Variants in LILRB4 observed in about 807,000 individuals in gnomAD.
The protein encoded by LILRB4 is leukocyte immunoglobulin-like receptor subfamily B member 4.
Under a neutral mutation model 55.2 loss-of-function variants are expected in LILRB4, and 49 were observed. That is an observed-to-expected ratio of 0.89 (90% CI 0.71 to 1.13). LILRB4 has a LOEUF of 1.13. Among genes scored for constraint, LILRB4 ranks in the 50% most tolerant of loss-of-function variants. The pLI is 0.00. For missense variants in LILRB4, 590 were observed against 555.2 expected (o/e 1.06, Z -0.63); for synonymous variants, 229 against 213.8 (o/e 1.07, Z -0.62).
Position 54,664,499 on chromosome 19 carries a change from CCCTGT to C in LILRB4, c.655+18_655+22del. 6.3e-7 allele frequency: 1 copy of C among 1,584,518 alleles called. No homozygotes were observed. The highest frequency in any genetic ancestry group is 8.6e-7 in the Non-Finnish European group (1 of 1,164,848). ...TCATAGTCTCAGGTGAGGCTCCTGA[CCCTGT>C]CCTCTCTGAGCTCAGTGGCTCCGTT... On this transcript the variant is annotated intron_variant, in intron 4 of 11. Coordinates refer to ENST00000430952, the Ensembl canonical transcript of LILRB4.
rs144995091 is a variant in LILRB4 at position 54,665,052 on chromosome 19, A to G, written c.707-78A>G. ...TGAGGGGTGAGGGGGTCAAGGCTGAAGGAGATGTTGCGGGGAGAAGCCGAG... is the reference window on the plus strand; with the variant it reads ...TGAGGGGTGAGGGGGTCAAGGCTGAGGGAGATGTTGCGGGGAGAAGCCGAG... On this transcript the variant is annotated intron_variant, in intron 5 of 11. Transcript: ENST00000430952. The surrounding 1 kb of genome is among the most constrained non-coding windows in gnomAD (Gnocchi z 5.5). 304 of 1,559,102 alleles carry G rather than the reference A, an allele frequency of 1.9e-4. 1 individual carries two copies. The African/African-American group carries it at 3.9e-3, about 20-fold the overall frequency.
chr19:54,663,739 C>A lies in LILRB4; in HGVS notation c.71-15C>A. ...TGAGGAAGGTCTTGGGATCCAGCCT[C>A]TGATTTTCTTCCAGGGCCCCTCCCC... On this transcript the variant is annotated splice_polypyrimidine_tract_variant and intron_variant, in intron 2 of 11. Coordinates refer to ENST00000430952, the Ensembl canonical transcript of LILRB4. 6.2e-7 allele frequency: 1 copy of A among 1,613,628 alleles called. No individual in the cohort carries two copies.
rs1631746 is a variant in LILRB4, at chr19:54,665,251, A to G, written c.757+71A>G. On this transcript the variant is annotated intron_variant, in intron 6 of 11. Coordinates refer to ENST00000430952, the Ensembl canonical transcript of LILRB4. The surrounding 1 kb of genome is among the most constrained non-coding windows in gnomAD (Gnocchi z 5.5). Reference sequence around the variant, plus strand: ...CCAAGGGTGGGTTCTGTCCTAGGTTAAGGCTCCTCTGGAGGTGGTGATGTG... The same window carrying G: ...CCAAGGGTGGGTTCTGTCCTAGGTTGAGGCTCCTCTGGAGGTGGTGATGTG... 8.1e-6 allele frequency: 12 copies of G among 1,489,956 alleles called. No homozygotes were observed. Among genetic ancestry groups the G allele is most frequent in the Non-Finnish European group, 1.1e-5 (12 of 1,101,060 alleles). 92.3% of individuals were successfully genotyped at this position (1,489,956 alleles called of 1,614,324 possible).
exon 12 of LILRB4, chr19:54,668,147 C>T (rs563547278): frequency 2.1e-4 from 235 of 1,098,100 alleles, no homozygotes; most frequent in African/African-American, 1.7e-3. Context: ...TAGAAGATTC[C>T]GGGAACGTTG....
Position 54,665,951 on chromosome 19 carries a change from A to G in LILRB4, c.874+20A>G, listed in dbSNP as rs1261596108. 1.2e-6 allele frequency: 2 copies of G among 1,613,338 alleles called. No homozygotes were observed. The highest frequency in any genetic ancestry group is 1.7e-6 in the Non-Finnish European group (2 of 1,179,782). ...CATTGGGTAAGTAGGAAATTGGGGG[A>G]CCCGTGGGCTGATGGAGGGTGGGCT... is the stretch of plus-strand genomic sequence containing the variant. On this transcript the variant is annotated intron_variant, in intron 7 of 11. Transcript: ENST00000430952. This position sits in a 1 kb window ranked among gnomAD's most constrained non-coding sequence, Gnocchi z 5.5.
exon 3 of LILRB4, chr19:54,663,876 A>T (rs746146099): frequency 3.7e-6 from 6 of 1,614,158 alleles, no homozygotes; most frequent in South Asian, 1.1e-5. Flanking sequence ...TAAAGAGGAA[A>T]GCCCAGCACC....
intron 5 of LILRB4, 21 bp downstream of exon 5, chr19:54,664,870 TC>T: frequency 6.2e-7 from 1 of 1,609,236 alleles, no homozygotes; most frequent in Non-Finnish European, 8.5e-7. Context: ...GAGGCCTCTG[TC>T]CAGAGAGTTT....
rs747793370 is a variant in LILRB4 at position 54,666,651 on chromosome 19, C to T, written c.989-46C>T. The T allele has an allele frequency of 9.4e-6, 15 of 1,599,030 alleles. No individual in the cohort carries two copies. The Admixed American group carries it at 1.0e-4, about 11-fold the overall frequency. On this transcript the variant is annotated intron_variant, in intron 9 of 11. Coordinates refer to ENST00000430952, the Ensembl canonical transcript of LILRB4. The surrounding 1 kb of genome is among the most constrained non-coding windows in gnomAD (Gnocchi z 4.8). The stretch of plus-strand genomic sequence containing the variant: ...CAGGGACCAGCAGGAATGAGAGGTC[C>T]CAGGGAACCTTCCCAGGAGATGAAC...
At position 54,665,690 on chromosome 19, in the gene LILRB4, G is replaced by A; in HGVS notation, c.758-125G>A. 1 of 1,182,108 alleles carries A rather than the reference G, an allele frequency of 8.5e-7. No homozygotes were observed. Among genetic ancestry groups the A allele is most frequent in the South Asian group, 1.3e-5 (1 of 76,060 alleles). 73.2% of individuals were successfully genotyped at this position (1,182,108 alleles called of 1,614,324 possible). ...GGGTGGAGAGAGGGTGGCAATCTCA[G>A]GTTGCACAACTGCTGTGAGGGTTGG... On this transcript the variant is annotated intron_variant, in intron 6 of 11. Transcript: ENST00000430952. This position sits in a 1 kb window ranked among gnomAD's most constrained non-coding sequence, Gnocchi z 5.5.
rs758268857 is a variant in LILRB4, at chr19:54,665,958, G to A, written c.874+27G>A. 17 of 1,613,736 alleles carry A rather than the reference G, an allele frequency of 1.1e-5. No homozygotes were observed. The highest frequency in any genetic ancestry group is 6.6e-5 in the South Asian group (6 of 91,052). On this transcript the variant is annotated intron_variant, in intron 7 of 11. Coordinates refer to ENST00000430952, the Ensembl canonical transcript of LILRB4. This position sits in a 1 kb window ranked among gnomAD's most constrained non-coding sequence, Gnocchi z 5.5. Reference sequence around the variant, plus strand: ...TAAGTAGGAAATTGGGGGACCCGTGGGCTGATGGAGGGTGGGCTCAGGGCA... The same window carrying A: ...TAAGTAGGAAATTGGGGGACCCGTGAGCTGATGGAGGGTGGGCTCAGGGCA...
At chr19:54,667,550 C>G in intron 10 of LILRB4, 85 bp from the exon 11 acceptor site, 1 of 1,580,754 alleles carries the variant, frequency 6.3e-7, no homozygotes, top group Non-Finnish European at 8.6e-7. Context: ...GGGATGTAAT[C>G]GGATCACCCT....
rs766048749 is a variant in LILRB4 at position 54,666,659 on chromosome 19, C to T, written c.989-38C>T. On this transcript the variant is annotated intron_variant, in intron 9 of 11. Coordinates refer to ENST00000430952, the Ensembl canonical transcript of LILRB4. This position sits in a 1 kb window ranked among gnomAD's most constrained non-coding sequence, Gnocchi z 4.8. ...AGCAGGAATGAGAGGTCCCAGGGAACCTTCCCAGGAGATGAACCCCTTGCT... is the reference window on the plus strand; with the variant it reads ...AGCAGGAATGAGAGGTCCCAGGGAATCTTCCCAGGAGATGAACCCCTTGCT... The T allele has an allele frequency of 6.3e-7, 1 of 1,599,902 alleles. No individual in the cohort carries two copies. Among genetic ancestry groups the T allele is most frequent in the East Asian group, 2.2e-5 (1 of 44,822 alleles).
chr19:54,667,098 G>A (rs145490926), intron 10 of LILRB4: 1 of 569,156 alleles, frequency 1.8e-6, no homozygotes, highest in South Asian at 1.6e-5. Flanking sequence ...CACTGTGGAT[G>A]GGGCTCCCCA....
At position 54,665,625 on chromosome 19, in the gene LILRB4, G is replaced by T. The variant is rs1373041805; in HGVS notation, c.758-190G>T. Among the ~76,000 whole-genome samples, 1 of 152,138 alleles carries T rather than the reference G, an allele frequency of 6.6e-6. No individual in the cohort carries two copies. The highest frequency in any genetic ancestry group is 2.4e-5 in the African/African-American group (1 of 41,426). Reference sequence around the variant, plus strand: ...CTGGCTGGAGGGGTCTGGGGCAGGCGATTCCCCTCTCTGAGCCTCAGTTTG... The same window carrying T: ...CTGGCTGGAGGGGTCTGGGGCAGGCTATTCCCCTCTCTGAGCCTCAGTTTG... On this transcript the variant is annotated intron_variant, in intron 6 of 11. Coordinates refer to ENST00000430952, the Ensembl canonical transcript of LILRB4. This position sits in a 1 kb window ranked among gnomAD's most constrained non-coding sequence, Gnocchi z 5.5.
In LILRB4 at chr19:54,665,723, GA is replaced by G; in HGVS notation, c.758-89del. 2.8e-6 allele frequency: 4 copies of G among 1,444,132 alleles called. No individual in the cohort carries two copies. The highest frequency in any genetic ancestry group is 3.8e-6 in the Non-Finnish European group (4 of 1,049,248). The allele number at this position is 1,444,132 out of a possible 1,614,324, so 89.5% of individuals were successfully genotyped here. ...AACTGCTGTGAGGGTTGGAGGTAATGAAAGAAAGACCCAGCACACACAGTAG... is the reference window on the plus strand; with the variant it reads ...AACTGCTGTGAGGGTTGGAGGTAATGAAGAAAGACCCAGCACACACAGTAG... On this transcript the variant is annotated intron_variant, in intron 6 of 11. Coordinates refer to ENST00000430952, the Ensembl canonical transcript of LILRB4. The surrounding 1 kb of genome is among the most constrained non-coding windows in gnomAD (Gnocchi z 5.5).
chr19:54,663,401 G>T, intron 1 of LILRB4, 131 bp from the exon 2 acceptor site: 6 of 1,308,250 alleles, frequency 4.6e-6, no homozygotes, highest in African/African-American at 1.7e-5. Context: ...AGCCAAGATC[G>T]CACCACCGCA....
chr19:54,663,671 G>A, intron 2 of LILRB4, 83 bp from the exon 3 acceptor site: 1 of 1,609,022 alleles, frequency 6.2e-7, no homozygotes, highest in Non-Finnish European at 8.5e-7. Context: ...GACTGATGAG[G>A]ATGACGGGGG....
Position 54,666,196 on chromosome 19 carries a change from G to T in LILRB4, c.875-44G>T, listed in dbSNP as rs536302819. On this transcript the variant is annotated intron_variant, in intron 7 of 11. Transcript: ENST00000430952. The surrounding 1 kb of genome is among the most constrained non-coding windows in gnomAD (Gnocchi z 4.8). ...TTGACTTGCATGTGCAAGGCAGGTG[G>T]TTCTAACGTTCCCAGAGCTGAGACT... The T allele has an allele frequency of 8.1e-5, 123 of 1,525,110 alleles. No homozygotes were observed. The highest frequency in any genetic ancestry group is 1.1e-4 in the Non-Finnish European group (119 of 1,132,932). The allele number at this position is 1,525,110 out of a possible 1,614,324, so 94.5% of individuals were successfully genotyped here. A position where few individuals can be genotyped will look rare whatever the true frequency, so the allele number is the denominator to read the frequency against.
chr19:54,666,747 C>A lies in LILRB4; in HGVS notation c.1039C>A (p.Arg347=). The A allele has an allele frequency of 6.2e-7, 1 of 1,614,030 alleles. No individual in the cohort carries two copies. Among genetic ancestry groups the A allele is most frequent in the Non-Finnish European group, 8.5e-7 (1 of 1,179,940 alleles). ...TGAGGACGGGGTGGAAATGGACACT[C>A]GGGTGAGAACCCGCCCCTGTCCCCG... The change falls in exon 10 of 12, where the codon CGG becomes AGG. Residue 347 remains arginine, a splice_region_variant and synonymous_variant. Transcript: ENST00000430952. The surrounding 1 kb of genome is among the most constrained non-coding windows in gnomAD (Gnocchi z 4.8).
Sources: gnomAD v4.1 joint callset for allele counts (sites outside exome capture counted in the v4.1 genomes callset) on GRCh38, gnomAD v4.1.1 for gene constraint, Gnocchi (gnomAD v3.1) non-coding constraint, MANE v1.5 for transcripts, NCBI Gene and HGNC (gene_info 2026-07-23, HGNC 2026-07-21) for gene names.